Variants in TEKT5 observed in about 807,000 individuals in gnomAD.
TEKT5 encodes tektin-5.
A neutral mutation model predicts 48.7 loss-of-function variants in TEKT5; 52 were observed. The ratio of observed to expected loss-of-function variants is 1.07; its 90% CI spans 0.86 to 1.35. The LOEUF is 1.35. TEKT5 is among the 40% of genes most tolerant of loss of function. The pLI is 0.00. For missense variants in TEKT5, 831 were observed against 641.6 expected, an observed-to-expected ratio of 1.30 and a Z score of -3.19; for synonymous variants, 318 against 267.6, an observed-to-expected ratio of 1.19 and a Z score of -1.84.
chr16:10,662,308 T>C (rs1898387455), intron 5 of TEKT5, among the ~76,000 whole-genome samples: 1 of 152,222 alleles, frequency 6.6e-6, no homozygotes, highest in African/African-American at 2.4e-5. Flanking sequence ...CTTTAGATGT[T>C]GACCTATTAC....
At chr16:10,686,314 G>A (rs150406976) in intron 3 of TEKT5, among the ~76,000 whole-genome samples, 122 of 152,238 alleles carry the variant, frequency 8.0e-4, no homozygotes, top group African/African-American at 2.6e-3. Context: ...AAGATTAGCT[G>A]GGCATGGTGG....
intron 5 of TEKT5, among the ~76,000 whole-genome samples, chr16:10,662,485 C>G (rs2142287966): frequency 6.6e-6 from 1 of 152,336 alleles, no homozygotes; most frequent in South Asian, 2.1e-4. Context: ...AACTCACTTG[C>G]ACAGCATTCT....
At chr16:10,657,120 T>C (rs542576122) in intron 5 of TEKT5, among the ~76,000 whole-genome samples, 4 of 116,764 alleles carry the variant, frequency 3.4e-5, no homozygotes, top group Admixed American at 2.3e-4. Flanking sequence ...TAGGTCTGCC[T>C]TTTTTTTTTT....
chr16:10,694,228 TCATCTTCAGTCAAGGGAA>T, intron 1 of TEKT5, 64 bp downstream of exon 1: 1 of 1,427,236 alleles, frequency 7.0e-7, no homozygotes, highest in Non-Finnish European at 9.4e-7. Flanking sequence ...CCTGCCACCT[TCATCTTCAGTCAAGGGAA>T]GCAGAATGAG....
chr16:10,688,723 G>T (rs1357100653), intron 3 of TEKT5, among the ~76,000 whole-genome samples: 1 of 152,232 alleles, frequency 6.6e-6, no homozygotes, highest in Non-Finnish European at 1.5e-5. Context: ...CCCCAGGCTT[G>T]TCGGGATACT....
At chr16:10,686,376 G>C (rs1898862103) in intron 3 of TEKT5, among the ~76,000 whole-genome samples, 1 of 151,534 alleles carries the variant, frequency 6.6e-6, no homozygotes, top group East Asian at 1.9e-4. Flanking sequence ...AGAATCACTT[G>C]AACCCAGGAG....
chr16:10,688,770 G>C (rs1028528941), intron 3 of TEKT5, among the ~76,000 whole-genome samples: 1 of 152,196 alleles, frequency 6.6e-6, no homozygotes, highest in African/African-American at 2.4e-5. Context: ...AGCTGATTTT[G>C]TTTGAAGACT....
intron 5 of TEKT5, among the ~76,000 whole-genome samples, chr16:10,660,087 G>C (rs1898336380): frequency 6.6e-6 from 1 of 152,164 alleles, no homozygotes; most frequent in Admixed American, 6.5e-5. Context: ...GCAACATTCT[G>C]AGACATTAGG....
intron 5 of TEKT5, among the ~76,000 whole-genome samples, chr16:10,646,332 G>C (rs1288603352): frequency 1.3e-5 from 2 of 152,030 alleles, no homozygotes; most frequent in African/African-American, 4.8e-5. Flanking sequence ...TCAAATTTGG[G>C]AACAACCTGC....
chr16:10,631,015 C>G (rs1006419814), intron 6 of TEKT5, among the ~76,000 whole-genome samples: 6 of 151,846 alleles, frequency 4.0e-5, no homozygotes, highest in African/African-American at 1.2e-4. Flanking sequence ...TGAGACCAGC[C>G]TGGCCAACAT....
chr16:10,671,726 G>C (rs894759820), intron 5 of TEKT5: 4 of 152,208 alleles, frequency 2.6e-5, no homozygotes, highest in African/African-American at 9.6e-5. Flanking sequence ...ACATGACTAG[G>C]AAGGCCTTAC....
chr16:10,634,880 C>A (rs1017798995), intron 6 of TEKT5, among the ~76,000 whole-genome samples: 2 of 152,112 alleles, frequency 1.3e-5, no homozygotes, highest in African/African-American at 4.8e-5. Context: ...GACCACAGCC[C>A]CAGCTGACAG....
chr16:10,684,102 GAA>G lies in TEKT5; in HGVS notation c.720-1968_720-1967del, dbSNP rs34553064. Among the ~76,000 whole-genome samples the G allele has an allele frequency of 2.4e-3, 358 of 151,296 alleles. 1 individual carries two copies. The highest frequency in any genetic ancestry group is 8.2e-3 in the African/African-American group (340 of 41,292). ...ACCTTTTTCTGTTTCCCTGTTGGCT[GAA>G]AAAAAAAGAGATCAGTTGATGGTAC... is the stretch of plus-strand genomic sequence containing the variant. On this transcript the variant is annotated intron_variant, in intron 3 of 6. Coordinates refer to ENST00000283025, the MANE Select transcript of TEKT5 (RefSeq NM_144674.2).
intron 4 of TEKT5, among the ~76,000 whole-genome samples, chr16:10,681,213 C>T (rs891687981): frequency 6.6e-6 from 1 of 152,156 alleles, no homozygotes; most frequent in Non-Finnish European, 1.5e-5. Flanking sequence ...AAACTTCACA[C>T]ACCCACCTTT....
chr16:10,667,810 A>G (rs1898482886), intron 5 of TEKT5, among the ~76,000 whole-genome samples: 1 of 152,214 alleles, frequency 6.6e-6, no homozygotes, highest in Non-Finnish European at 1.5e-5. Context: ...CCACAAGTGG[A>G]AAACTACTAT....
intron 5 of TEKT5, among the ~76,000 whole-genome samples, chr16:10,638,568 G>A (rs554573705): frequency 6.6e-6 from 1 of 152,332 alleles, no homozygotes; most frequent in South Asian, 2.1e-4. Flanking sequence ...TGATCATGAA[G>A]AGTTCGATTT....
intron 4 of TEKT5, among the ~76,000 whole-genome samples, chr16:10,676,529 A>G (rs1159685050): frequency 6.6e-6 from 1 of 152,060 alleles, no homozygotes; most frequent in Non-Finnish European, 1.5e-5. Context: ...GCAGAAGGGC[A>G]CTCAGTGAGT....
chr16:10,687,719 C>T (rs1898888722), intron 3 of TEKT5, among the ~76,000 whole-genome samples: 1 of 152,258 alleles, frequency 6.6e-6, no homozygotes, highest in African/African-American at 2.4e-5. Context: ...TACCACTGCA[C>T]TCCAGTCTGG....
rs561415494 is a variant in TEKT5, at chr16:10,690,205, G to C, written c.565-180C>G. ...TGCCTCCCCTTCTCCCCGGATGAGAGCTGTGGGTTGTCATATGACCAAGGC... is the reference window on the plus strand; with the variant it reads ...TGCCTCCCCTTCTCCCCGGATGAGACCTGTGGGTTGTCATATGACCAAGGC... On this transcript the variant is annotated intron_variant, in intron 1 of 6. Coordinates refer to ENST00000283025, the MANE Select transcript of TEKT5 (RefSeq NM_144674.2). 3 of 621,092 alleles carry C rather than the reference G, an allele frequency of 4.8e-6. No homozygotes were observed. In the African/African-American group the frequency reaches 5.5e-5, roughly 11 times the overall value. 38.5% of individuals were successfully genotyped at this position (621,092 alleles called of 1,614,324 possible). A position where few individuals can be genotyped will look rare whatever the true frequency, so the allele number is the denominator to read the frequency against.
Sources: gnomAD v4.1 joint callset for allele counts (sites outside exome capture counted in the v4.1 genomes callset) on GRCh38, gnomAD v4.1.1 for gene constraint, MANE v1.5 for transcripts, NCBI Gene and HGNC (gene_info 2026-07-23, HGNC 2026-07-21) for gene names.